UNC13C: variants seen among roughly 807,000 people sequenced by gnomAD.
The protein encoded by UNC13C is protein unc-13 homolog C.
In UNC13C, 174 loss-of-function variants were observed where a neutral mutation model predicts 245.4. That is an observed-to-expected ratio of 0.71 (90% CI 0.63 to 0.80). The LOEUF (loss-of-function observed/expected upper bound fraction) is 0.80. Ranked by LOEUF, UNC13C falls within the 30% of genes least tolerant of loss-of-function variation. The pLI, the probability that UNC13C is intolerant of heterozygous loss-of-function variation, is 0.00. For missense variants in UNC13C, 2,829 were observed against 2,602.9 expected, an observed-to-expected ratio of 1.09 and a Z score of -1.89; for synonymous variants, 992 against 895.1, an observed-to-expected ratio of 1.11 and a Z score of -1.93.
rs746502724 is a variant in UNC13C, at chr15:54,265,363, G to T, written c.3685G>T (p.Ala1229Ser). The T allele has an allele frequency of 6.4e-7, 1 of 1,555,812 alleles. No individual in the cohort carries two copies. Among genetic ancestry groups the T allele is most frequent in the Non-Finnish European group, 8.7e-7 (1 of 1,148,936 alleles). The stretch of plus-strand genomic sequence containing the variant: ...ATTTTGGTTTATTTCAGTGGTTTCT[G>T]CACAGGGTCTACAGGCAAAAGATAA... ...SAKITITVVSAQGLQAKDKTG... is the reference protein window; with the variant it reads ...SAKITITVVSSQGLQAKDKTG... Residue 1229 changes from alanine to serine, a missense_variant, in exon 10 of 33, where the codon GCA (alanine) becomes TCA (serine). Coordinates refer to ENST00000260323, the MANE Select transcript of UNC13C (RefSeq NM_001080534.3).
Position 54,321,921 on chromosome 15 carries a change from A to G in UNC13C, c.4269-18A>G, listed in dbSNP as rs1223979202. 3.9e-6 allele frequency: 6 copies of G among 1,549,268 alleles called. No individual in the cohort carries two copies. Among genetic ancestry groups the G allele is most frequent in the Non-Finnish European group, 4.4e-6 (5 of 1,146,786 alleles). Reference sequence around the variant, plus strand: ...TTAATTTCTGTCTTAAAAACACTTTATGTTTTTTGTCTTTCAGGCACTTTT... The same window carrying G: ...TTAATTTCTGTCTTAAAAACACTTTGTGTTTTTTGTCTTTCAGGCACTTTT... On this transcript the variant is annotated intron_variant, in intron 13 of 32. Coordinates refer to ENST00000260323, the MANE Select transcript of UNC13C (RefSeq NM_001080534.3).
At chr15:54,059,498 A>G (rs1294532652) in intron 2 of UNC13C, among the ~76,000 whole-genome samples, 2 of 152,206 alleles carry the variant, frequency 1.3e-5, no homozygotes, top group African/African-American at 2.4e-5. Context: ...TTCCATGCTC[A>G]TGGGTAGGAA....
chr15:53,948,648 T>G, the UNC13C span: 3 of 151,958 alleles, frequency 2.0e-5, no homozygotes, highest in Admixed American at 6.6e-5. Flanking sequence ...CAGAAATTTA[T>G]TATACTCTTT....
intron 1 of UNC13C, among the ~76,000 whole-genome samples, chr15:53,996,539 G>T (rs931475303): frequency 2.9e-4 from 44 of 152,172 alleles, no homozygotes; most frequent in African/African-American, 9.6e-4. Flanking sequence ...ACAATTAAAA[G>T]AATTTTTAAA....
intron 19 of UNC13C, among the ~76,000 whole-genome samples, chr15:54,419,794 T>C (rs1380923715): frequency 6.6e-6 from 1 of 152,072 alleles, no homozygotes; most frequent in South Asian, 2.1e-4. Context: ...TTTTTTTGTT[T>C]CAGATGGTAT....
At chr15:54,431,362 A>G (rs186303876) in intron 19 of UNC13C, among the ~76,000 whole-genome samples, 13 of 151,600 alleles carry the variant, frequency 8.6e-5, no homozygotes, top group African/African-American at 3.1e-4. Flanking sequence ...GTGCCTTCAC[A>G]GTAGTTCTGA....
rs1897053070 is a variant in UNC13C, at chr15:54,555,540, A to G, written c.5958+28A>G. Reference sequence around the variant, plus strand: ...GAGATTATAATGCTCCTATATATACATCGAGAGAGGCCCCCATTTACCTCC... The same window carrying G: ...GAGATTATAATGCTCCTATATATACGTCGAGAGAGGCCCCCATTTACCTCC... On this transcript the variant is annotated intron_variant, in intron 29 of 32. Coordinates refer to ENST00000260323, the MANE Select transcript of UNC13C (RefSeq NM_001080534.3). The G allele has an allele frequency of 2.6e-6, 4 of 1,557,530 alleles. No homozygotes were observed. The African/African-American group carries it at 5.4e-5, about 21-fold the overall frequency.
chr15:54,401,452 T>C (rs1409257622), intron 18 of UNC13C, among the ~76,000 whole-genome samples: 1 of 152,072 alleles, frequency 6.6e-6, no homozygotes, highest in Non-Finnish European at 1.5e-5. Flanking sequence ...TTTTGCACAA[T>C]AAGAGAAACT....
chr15:54,101,732 C>T (rs139130081), intron 2 of UNC13C, among the ~76,000 whole-genome samples: 23 of 152,100 alleles, frequency 1.5e-4, no homozygotes, highest in East Asian at 5.8e-4. Flanking sequence ...AGGCAAGGCA[C>T]GCACCACCGC....
intron 2 of UNC13C, among the ~76,000 whole-genome samples, chr15:54,046,982 T>G (rs140980124): frequency 8.6e-4 from 131 of 152,256 alleles, no homozygotes; most frequent in African/African-American, 3.0e-3. Context: ...AACATATTTA[T>G]ATGTAATTCC....
chr15:53,981,834 C>A (rs557594637), intron 1 of UNC13C, among the ~76,000 whole-genome samples: 330 of 152,248 alleles, frequency 2.2e-3, no homozygotes, highest in Non-Finnish European at 3.7e-3. Context: ...CAATAAGACA[C>A]ACTGAATCGT....
At chr15:54,529,247 T>G (rs556177452) in intron 25 of UNC13C, among the ~76,000 whole-genome samples, 2 of 152,250 alleles carry the variant, frequency 1.3e-5, no homozygotes, top group South Asian at 4.1e-4. Context: ...GCCTTAAATA[T>G]GTACACAAAA....
At chr15:54,295,536 A>G (rs935687766) in intron 11 of UNC13C, among the ~76,000 whole-genome samples, 2 of 152,106 alleles carry the variant, frequency 1.3e-5, no homozygotes, top group Admixed American at 6.6e-5. Context: ...CTGTAGTCCC[A>G]GCTACTCTGG....
intron 19 of UNC13C, among the ~76,000 whole-genome samples, chr15:54,464,188 C>G (rs1892044064): frequency 6.6e-6 from 1 of 152,126 alleles, no homozygotes; most frequent in Admixed American, 6.5e-5. Flanking sequence ...AGGTGAAAAA[C>G]AATATCTTGG....
chr15:54,608,544 G>A (rs1008235055), intron 30 of UNC13C, among the ~76,000 whole-genome samples: 7 of 152,074 alleles, frequency 4.6e-5, no homozygotes, highest in South Asian at 2.1e-4. Flanking sequence ...TTGCTTTCTC[G>A]TTTATATTTC....
At chr15:53,911,747 A>G in the UNC13C span, 3 of 152,246 alleles carry the variant, frequency 2.0e-5, no homozygotes, top group Admixed American at 2.0e-4. Flanking sequence ...GCAATCATAT[A>G]CTGATTTGGT....
chr15:54,481,850 C>G (rs897038458), intron 19 of UNC13C, among the ~76,000 whole-genome samples: 4 of 152,068 alleles, frequency 2.6e-5, no homozygotes, highest in African/African-American at 9.7e-5. Context: ...CCCCAGGCCT[C>G]CAGATGACCT....
At chr15:54,063,270 T>C (rs752143594) in intron 2 of UNC13C, among the ~76,000 whole-genome samples, 10 of 152,140 alleles carry the variant, frequency 6.6e-5, no homozygotes, top group Non-Finnish European at 1.5e-4. Context: ...AAATGAGAGT[T>C]TGATTTTAGG....
Position 54,626,907 on chromosome 15 carries a change from C to T in UNC13C, c.6439C>T (p.Arg2147Ter), listed in dbSNP as rs760050642. ...GGATTACTGCTTTGCCAGAGAAGAT[C>T]GAATTATCGGAATGACAGTCATTCA... The part of the protein sequence containing the change: ...VKDYCFARED[R>*]IIGMTVIQLQ... Residue 2147 changes from arginine (R) to a stop codon, truncating the protein, a stop_gained, in exon 33 of 33, where the codon CGA becomes TGA. Transcript: ENST00000260323. LOFTEE classifies it high-confidence loss of function. 1.2e-6 allele frequency: 2 copies of T among 1,613,214 alleles called. No individual in the cohort carries two copies. Among genetic ancestry groups the T allele is most frequent in the Admixed American group, 1.7e-5 (1 of 59,866 alleles).
Sources: gnomAD v4.1 joint callset for allele counts (sites outside exome capture counted in the v4.1 genomes callset) on GRCh38, gnomAD v4.1.1 for gene constraint, MANE v1.5 for transcripts, NCBI Gene and HGNC (gene_info 2026-07-23, HGNC 2026-07-21) for gene names.